RB1CC1: variants seen among roughly 807,000 people sequenced by gnomAD.
RB1CC1 encodes RB1 inducible coiled-coil 1, also known as RB1-inducible coiled-coil protein 1.
Under a neutral mutation model 177.5 loss-of-function variants are expected in RB1CC1, and 46 were observed. The ratio of observed to expected loss-of-function variants is 0.26; its 90% CI spans 0.20 to 0.33. RB1CC1 has a LOEUF of 0.33. Ranked by LOEUF, RB1CC1 falls within the 10% of genes least tolerant of loss-of-function variation. RB1CC1 has a pLI of 1.00. For missense variants in RB1CC1, 1,703 were observed against 1,816.3 expected (o/e 0.94, Z 1.13); for synonymous variants, 666 against 613.6 (o/e 1.09, Z -1.26).
intron 1 of RB1CC1, among the ~76,000 whole-genome samples, chr8:52,701,983 T>C (rs895363263): frequency 6.6e-6 from 1 of 151,960 alleles, no homozygotes; most frequent in Non-Finnish European, 1.5e-5. Context: ...CATTTTTGTA[T>C]TTTTAGTAGA....
intron 12 of RB1CC1, among the ~76,000 whole-genome samples, chr8:52,660,347 T>C (rs1591004442): frequency 6.6e-6 from 1 of 152,184 alleles, no homozygotes; most frequent in Non-Finnish European, 1.5e-5. Flanking sequence ...AGTGAATCTA[T>C]TTCTACCAAT....
At chr8:52,672,354 G>A (rs988854396) in intron 7 of RB1CC1, among the ~76,000 whole-genome samples, 11 of 152,024 alleles carry the variant, frequency 7.2e-5, no homozygotes, top group African/African-American at 1.9e-4. Flanking sequence ...CTAAGACTCC[G>A]TGAAATTTCA....
intron 20 of RB1CC1, among the ~76,000 whole-genome samples, chr8:52,634,519 A>T (rs537639713): frequency 1.2e-4 from 17 of 146,308 alleles, no homozygotes; most frequent in Admixed American, 1.1e-3. Flanking sequence ...AGACTGTCTT[A>T]AAAAAAAAAA....
intron 5 of RB1CC1, among the ~76,000 whole-genome samples, chr8:52,677,552 TAAG>T (rs1460476496): frequency 6.6e-6 from 1 of 152,160 alleles, no homozygotes; most frequent in Admixed American, 6.5e-5. Flanking sequence ...ATAGAAGCTT[TAAG>T]AAGACTGATA....
chr8:52,684,535 C>T (rs574303907), intron 3 of RB1CC1, among the ~76,000 whole-genome samples: 6 of 152,080 alleles, frequency 3.9e-5, no homozygotes, highest in South Asian at 2.1e-4. Context: ...ATATAAACAG[C>T]GTTGGAAATG....
intron 16 of RB1CC1, 54 bp from the exon 17 acceptor site, chr8:52,642,866 ACT>A (rs1849701266): frequency 5.7e-6 from 8 of 1,414,008 alleles, no homozygotes; most frequent in Non-Finnish European, 7.4e-6. Context: ...AGCAGCTAGG[ACT>A]TAGAAAATAC....
In RB1CC1 at chr8:52,623,693, A is replaced by G; in HGVS notation, c.*89T>C. The G allele has an allele frequency of 1.1e-6, 1 of 922,222 alleles. No homozygotes were observed. The highest frequency in any genetic ancestry group is 1.8e-6 in the Non-Finnish European group (1 of 563,524). 57.1% of individuals were successfully genotyped at this position (922,222 alleles called of 1,614,324 possible). Reference sequence around the variant, plus strand: ...TTGTCACGCTGACTTTTGCATAAAAAGATGGCCTGCTGTTTTTGGAGTGAT... The same window carrying G: ...TTGTCACGCTGACTTTTGCATAAAAGGATGGCCTGCTGTTTTTGGAGTGAT... On this transcript the variant is annotated 3_prime_UTR_variant, in exon 24 of 24. Coordinates refer to ENST00000025008, the MANE Select transcript of RB1CC1 (RefSeq NM_014781.5).
At chr8:52,666,658 C>T (rs1427787340) in intron 8 of RB1CC1, among the ~76,000 whole-genome samples, 1 of 151,970 alleles carries the variant, frequency 6.6e-6, no homozygotes, top group Admixed American at 6.6e-5. Context: ...ATGGCTAAGA[C>T]TAAATATTTG....
chr8:52,642,682 A>C (rs1227476399), intron 17 of RB1CC1, 22 bp downstream of exon 17: 7 of 1,570,436 alleles, frequency 4.5e-6, no homozygotes, highest in Middle Eastern at 1.7e-4. Flanking sequence ...AATTAAAAAA[A>C]ATAGTACAAA....
chr8:52,655,922 A>G, intron 15 of RB1CC1, 86 bp downstream of exon 15: 1 of 1,081,444 alleles, frequency 9.2e-7, no homozygotes. Flanking sequence ...ACCCAAGGTA[A>G]ATGAGTAAAT....
chr8:52,644,479 T>A (rs533029533), intron 16 of RB1CC1, among the ~76,000 whole-genome samples: 46 of 152,240 alleles, frequency 3.0e-4, no homozygotes, highest in African/African-American at 1.1e-3. Flanking sequence ...GATAAAGAGA[T>A]CAATATGCAG....
Position 52,656,418 on chromosome 8 carries a change from A to G in RB1CC1, c.3411T>C (p.Ile1137=). The G allele has an allele frequency of 6.2e-7, 1 of 1,611,716 alleles. No individual in the cohort carries two copies. The highest frequency in any genetic ancestry group is 8.5e-7 in the Non-Finnish European group (1 of 1,179,628). Residue 1137 remains isoleucine (I), a synonymous_variant, in exon 15 of 24, where the codon ATT becomes ATC. Coordinates refer to ENST00000025008, the MANE Select transcript of RB1CC1 (RefSeq NM_014781.5). The part of the protein sequence containing the change: ...TLMTIEKDQC[I]SELISRHEEE... ...CTTCATGTCTACTAATTAACTCGGA[A>G]ATACACTGATCTTTTTCAATTGTCA...
In RB1CC1 at chr8:52,657,468, A is replaced by G; in HGVS notation, c.2361T>C (p.Asp787=). ...MQDTNVCGKE[D]FGDHTSLNVQ... ...CATTCAGAGAAGTATGATCTCCAAA[A>G]TCCTCCTTACCACATACATTTGTAT... The change falls in exon 15 of 24, where the codon GAT becomes GAC. Residue 787 remains aspartate (D), a synonymous_variant. Transcript: ENST00000025008. 1 of 1,613,706 alleles carries G rather than the reference A, an allele frequency of 6.2e-7. No homozygotes were observed. The highest frequency in any genetic ancestry group is 8.5e-7 in the Non-Finnish European group (1 of 1,180,000).
intron 19 of RB1CC1, among the ~76,000 whole-genome samples, chr8:52,635,740 T>C (rs987076068): frequency 5.3e-5 from 8 of 152,174 alleles, no homozygotes; most frequent in African/African-American, 1.4e-4. Context: ...CTTTACACAT[T>C]GATTTAATAA....
intron 7 of RB1CC1, 27 bp from the exon 8 acceptor site, chr8:52,668,218 T>C (rs945846102): frequency 1.2e-6 from 2 of 1,605,940 alleles, no homozygotes; most frequent in African/African-American, 1.3e-5. Flanking sequence ...CACATACGAA[T>C]ACAATTTTCA....
At position 52,656,354 on chromosome 8, in the gene RB1CC1, T is replaced by C; in HGVS notation, c.3475A>G (p.Thr1159Ala). 1.2e-6 allele frequency: 2 copies of C among 1,611,726 alleles called. 1 individual carries two copies. The highest frequency in any genetic ancestry group is 3.3e-4 in the Middle Eastern group (2 of 6,050). ...TCAAATGCTTGGTTATGCAAAGATG[T>C]TACTTTGTTTAATTCAGCTTTAAGT... Reference protein sequence around the residue: ...NILKAELNKVTSLHNQAFEIE... With the variant: ...NILKAELNKVASLHNQAFEIE... Residue 1159 changes from threonine (T) to alanine (A), a missense_variant, in exon 15 of 24, where the codon ACA becomes GCA. Physicochemically the swap from Thr to Ala is moderately conservative, Grantham distance 58. Transcript: ENST00000025008.
chr8:52,706,462 C>T (rs914006833), intron 1 of RB1CC1, among the ~76,000 whole-genome samples: 6 of 151,514 alleles, frequency 4.0e-5, no homozygotes, highest in Non-Finnish European at 7.4e-5. Context: ...TTGTAGCCTC[C>T]GCCTCCCAGG....
At position 52,642,464 on chromosome 8, in the gene RB1CC1, T is replaced by C. The variant is rs1849665404; in HGVS notation, c.4224A>G (p.Glu1408=). The part of the protein sequence containing the change: ...VPSPYVATAP[E]LYGACAPELP... ...GTTCAGGTGCACAAGCTCCATAAAG[T>C]TCTGGGGCTGTAGCTACATATGGTG... The change falls in exon 18 of 24, where the codon GAA becomes GAG. Residue 1408 remains glutamate, a synonymous_variant. Transcript: ENST00000025008. 1 of 1,614,096 alleles carries C rather than the reference T, an allele frequency of 6.2e-7. No individual in the cohort carries two copies. Among genetic ancestry groups the C allele is most frequent in the African/African-American group, 1.3e-5 (1 of 75,036 alleles).
At chr8:52,705,882 T>C (rs1317773136) in intron 1 of RB1CC1, among the ~76,000 whole-genome samples, 1 of 152,136 alleles carries the variant, frequency 6.6e-6, no homozygotes, top group Non-Finnish European at 1.5e-5. Flanking sequence ...TATCAAATTT[T>C]AGACATTTAA....
Sources: allele counts gnomAD v4.1 joint callset (sites outside exome capture counted in the v4.1 genomes callset), GRCh38; gene constraint gnomAD v4.1.1; transcripts MANE v1.5; gene names NCBI Gene and HGNC (gene_info 2026-07-23, HGNC 2026-07-21).